Variants in GRID2 observed in about 807,000 individuals in gnomAD.
The protein encoded by GRID2 is glutamate receptor ionotropic, delta-2.
A neutral mutation model predicts 114.8 loss-of-function variants in GRID2; 33 were observed. That is an observed-to-expected ratio of 0.29 (90% CI 0.22 to 0.38). The LOEUF (loss-of-function observed/expected upper bound fraction) is 0.38, where lower values mean the gene tolerates loss of function less well. GRID2 is among the 10% of genes least tolerant of loss of function. The pLI, the probability that GRID2 is intolerant of heterozygous loss-of-function variation, is 1.00. For synonymous variants in GRID2, 505 were observed against 449.9 expected (o/e 1.12, Z -1.55); for missense variants, 1,184 against 1,257.7 (o/e 0.94, Z 0.89).
chr4:93,171,559 A>G (rs1199791727), intron 4 of GRID2, among the ~76,000 whole-genome samples: 1 of 152,144 alleles, frequency 6.6e-6, no homozygotes, highest in African/African-American at 2.4e-5. Context: ...GAACAAACAG[A>G]TTTTTGTCAA....
intron 14 of GRID2, among the ~76,000 whole-genome samples, chr4:93,627,792 G>T (rs1001235427): frequency 6.6e-6 from 1 of 152,216 alleles, no homozygotes; most frequent in African/African-American, 2.4e-5. Flanking sequence ...TCTGCCCACA[G>T]ATCACAAACC....
At chr4:92,961,162 T>G (rs1029855825) in intron 2 of GRID2, among the ~76,000 whole-genome samples, 14 of 151,922 alleles carry the variant, frequency 9.2e-5, no homozygotes, top group Non-Finnish European at 1.5e-4. Flanking sequence ...ATATATGCAT[T>G]TTTAATAAAA....
At chr4:93,790,098 A>G (rs926775901) in intron 1 of GRID2, among the ~76,000 whole-genome samples, 1 of 13,732 alleles carries the variant, frequency 7.3e-5, no homozygotes, top group African/African-American at 2.9e-4. Flanking sequence ...CTCCCACCCC[A>G]TCTGTCACCC....
intron 8 of GRID2, among the ~76,000 whole-genome samples, chr4:93,299,235 G>T (rs534066195): frequency 6.6e-6 from 1 of 152,228 alleles, no homozygotes; most frequent in African/African-American, 2.4e-5. Flanking sequence ...CATTCAGGTA[G>T]TTCAGGCCCT....
At chr4:93,023,583 T>C (rs1723601744) in intron 2 of GRID2, among the ~76,000 whole-genome samples, 1 of 151,878 alleles carries the variant, frequency 6.6e-6, no homozygotes, top group Non-Finnish European at 1.5e-5. Flanking sequence ...AAATAAGCAA[T>C]ACCTGAAATG....
At chr4:92,606,866 A>G (rs190900367) in intron 2 of GRID2, among the ~76,000 whole-genome samples, 12 of 152,192 alleles carry the variant, frequency 7.9e-5, no homozygotes, top group Non-Finnish European at 1.2e-4. Context: ...CAATCTATGT[A>G]TCACATTACA....
chr4:93,125,921 T>C (rs1048282370), intron 4 of GRID2, among the ~76,000 whole-genome samples: 2 of 152,216 alleles, frequency 1.3e-5, no homozygotes, highest in East Asian at 1.9e-4. Context: ...TCATGGAAGA[T>C]GTCCTATTTG....
chr4:93,446,114 T>A (rs1722068063), intron 10 of GRID2, among the ~76,000 whole-genome samples: 1 of 152,008 alleles, frequency 6.6e-6, no homozygotes, highest in South Asian at 2.1e-4. Context: ...AAGCATAATA[T>A]TTCATTGCCA....
intron 1 of GRID2, among the ~76,000 whole-genome samples, chr4:92,421,412 CCAGT>C (rs1230124642): frequency 6.6e-6 from 1 of 152,028 alleles, no homozygotes; most frequent in African/African-American, 2.4e-5. Flanking sequence ...GAAAAGATCA[CCAGT>C]CAGTCTTCCC....
Position 93,565,436 on chromosome 4 carries a change from C to CT in GRID2, c.2193+50025_2193+50026insT, listed in dbSNP as rs1054788515. Reference sequence around the variant, plus strand: ...AATCTACAATTATCTATAAAAGTTTCAATAAAAAAAGGAAAAACCCTACAT... The same window carrying CT: ...AATCTACAATTATCTATAAAAGTTTCTAATAAAAAAAGGAAAAACCCTACAT... On this transcript the variant is annotated intron_variant, in intron 13 of 15. Transcript: ENST00000282020. Among the ~76,000 whole-genome samples the CT allele has an allele frequency of 1.7e-3, 256 of 151,682 alleles. 1 individual carries two copies. The highest frequency in any genetic ancestry group is 5.7e-3 in the African/African-American group (236 of 41,382).
At chr4:92,739,924 C>T (rs1400855055) in intron 2 of GRID2, among the ~76,000 whole-genome samples, 2 of 152,016 alleles carry the variant, frequency 1.3e-5, no homozygotes, top group African/African-American at 2.4e-5. Context: ...TATAAAATTA[C>T]CTTCCATAAT....
At chr4:92,904,278 T>G (rs1252575311) in intron 2 of GRID2, among the ~76,000 whole-genome samples, 1 of 150,834 alleles carries the variant, frequency 6.6e-6, no homozygotes, top group Non-Finnish European at 1.5e-5. Flanking sequence ...TAGCTTGTAA[T>G]TTTTTACACA....
chr4:92,858,038 A>G (rs761039088), intron 2 of GRID2, among the ~76,000 whole-genome samples: 7 of 152,210 alleles, frequency 4.6e-5, no homozygotes, highest in Non-Finnish European at 8.8e-5. Flanking sequence ...TGAGTATCTT[A>G]AGCCCACTTT....
chr4:93,515,455 T>C, intron 13 of GRID2, 44 bp downstream of exon 13: 1 of 1,285,122 alleles, frequency 7.8e-7, no homozygotes, highest in South Asian at 1.3e-5. Context: ...CCATTTTGTG[T>C]CCCATGCTGG....
chr4:93,433,861 C>T (rs1720813216), intron 10 of GRID2, among the ~76,000 whole-genome samples: 1 of 152,306 alleles, frequency 6.6e-6, no homozygotes, highest in East Asian at 1.9e-4. Context: ...TCATTTTTTA[C>T]ACCCTCGTCA....
intron 2 of GRID2, among the ~76,000 whole-genome samples, chr4:92,924,377 T>C (rs951256818): frequency 8.6e-5 from 13 of 151,926 alleles, no homozygotes; most frequent in Non-Finnish European, 1.9e-4. Flanking sequence ...TGTGCACATG[T>C]ACCCTAAAAC....
chr4:93,713,066 T>G (rs1253320332), intron 14 of GRID2, among the ~76,000 whole-genome samples: 5 of 152,202 alleles, frequency 3.3e-5, no homozygotes, highest in Admixed American at 2.0e-4. Flanking sequence ...GTTTTGTTTT[T>G]ACCTTTTGGG....
chr4:92,337,305 T>C (rs188850682), intron 1 of GRID2, among the ~76,000 whole-genome samples: 21 of 152,292 alleles, frequency 1.4e-4, no homozygotes, highest in African/African-American at 4.6e-4. Context: ...AAATTATTTT[T>C]GTCTACTTAT....
chr4:92,741,766 T>C (rs892066258), intron 2 of GRID2, among the ~76,000 whole-genome samples: 13 of 152,294 alleles, frequency 8.5e-5, no homozygotes, highest in South Asian at 6.2e-4. Context: ...GGTGTTGAGT[T>C]ACTTGGCTTA....
Sources: gnomAD v4.1 joint callset for allele counts (sites outside exome capture counted in the v4.1 genomes callset) on GRCh38, gnomAD v4.1.1 for gene constraint, MANE v1.5 for transcripts, NCBI Gene and HGNC (gene_info 2026-07-23, HGNC 2026-07-21) for gene names.